The following SERTAD4 variants were observed in gnomAD, a reference collection of about 807,000 sequenced individuals.
SERTAD4 encodes the protein SERTA domain containing 4.
Under a neutral mutation model 32.9 loss-of-function variants are expected in SERTAD4, and 18 were observed. The observed-to-expected ratio is 0.55, with a 90% CI of 0.38 to 0.81. The LOEUF is 0.81. Among genes scored for constraint, SERTAD4 ranks in the 30% least tolerant of loss-of-function variants. The probability of loss-of-function intolerance (pLI) is 0.00; values close to 1 mark genes in which losing one functional copy is unlikely to be tolerated. For synonymous variants in SERTAD4, 150 were observed against 156.4 expected (o/e 0.96, Z 0.30); for missense variants, 383 against 426.0 (o/e 0.90, Z 0.89).
Position 210,244,326 on chromosome 1 carries a change from TGTG to T in SERTAD4, c.*1993_*1995del, listed in dbSNP as rs1324881883. On this transcript the variant is annotated 3_prime_UTR_variant, in exon 4 of 4. Coordinates refer to ENST00000367012, the MANE Select transcript of SERTAD4 (RefSeq NM_019605.5). ...TAAGAAGCACAATGTTAATAGATGA[TGTG>T]GTGATCAATAAGGTTATGTCTGAAA... The T allele has an allele frequency of 1.3e-5, 2 of 152,216 alleles. No individual in the cohort carries two copies. The highest frequency in any genetic ancestry group is 2.1e-4 in the South Asian group (1 of 4,834). The allele number at this position is 152,216 out of a possible 1,614,324, so 9.4% of individuals were successfully genotyped here.
chr1:210,238,543 G>A (rs1036675051), intron 2 of SERTAD4, among the ~76,000 whole-genome samples: 10 of 152,160 alleles, frequency 6.6e-5, no homozygotes, highest in Non-Finnish European at 2.9e-5. Flanking sequence ...TGCACTTTGG[G>A]CCAGCAGCTA....
chr1:210,238,013 G>A lies in SERTAD4; in HGVS notation c.53G>A (p.Gly18Glu), dbSNP rs1159813789. Reference protein sequence around the residue: ...NRFCEPIVSEGAAEIAGYQTL... With the variant: ...NRFCEPIVSEEAAEIAGYQTL... Reference sequence around the variant, plus strand: ...TTCTGCGAGCCCATTGTCTCGGAAGGAGCTGCTGAAATTGCTGGGTACCAA... The same window carrying A: ...TTCTGCGAGCCCATTGTCTCGGAAGAAGCTGCTGAAATTGCTGGGTACCAA... Residue 18 changes from glycine (G) to glutamate (E), a missense_variant, in exon 2 of 4, where the codon GGA becomes GAA. Physicochemically the swap from Gly to Glu is moderately conservative, Grantham distance 98. Coordinates refer to ENST00000367012, the MANE Select transcript of SERTAD4 (RefSeq NM_019605.5). 1 of 1,614,000 alleles carries A rather than the reference G, an allele frequency of 6.2e-7. No individual in the cohort carries two copies. The highest frequency in any genetic ancestry group is 2.2e-5 in the East Asian group (1 of 44,864).
rs1357767138 is a variant in SERTAD4 at position 210,242,510 on chromosome 1, T to C, written c.*173T>C. ...GCGTAAAACATCTGTATAGCAGGCATCAGCGAGCTTCTTATAAATGTGGTG... is the reference window on the plus strand; with the variant it reads ...GCGTAAAACATCTGTATAGCAGGCACCAGCGAGCTTCTTATAAATGTGGTG... On this transcript the variant is annotated 3_prime_UTR_variant, in exon 4 of 4. Coordinates refer to ENST00000367012, the MANE Select transcript of SERTAD4 (RefSeq NM_019605.5). The surrounding 1 kb of genome is among the most constrained non-coding windows in gnomAD (Gnocchi z 4.0). The C allele has an allele frequency of 4.4e-6, 6 of 1,349,066 alleles. No homozygotes were observed. The highest frequency in any genetic ancestry group is 4.7e-6 in the Non-Finnish European group (5 of 1,058,234). 83.6% of individuals were successfully genotyped at this position (1,349,066 alleles called of 1,614,324 possible).
At position 210,242,275 on chromosome 1, in the gene SERTAD4, C is replaced by T. The variant is rs150924683; in HGVS notation, c.1009C>T (p.Arg337Trp). The T allele has an allele frequency of 3.5e-5, 57 of 1,607,944 alleles. No individual in the cohort carries two copies. The highest frequency in any genetic ancestry group is 6.7e-5 in the East Asian group (3 of 44,850). The change falls in exon 4 of 4, where the codon CGG becomes TGG. Residue 337 changes from arginine to tryptophan, a missense_variant. Physicochemically the swap from Arg to Trp is moderately radical, Grantham distance 101. Transcript: ENST00000367012. This position sits in a 1 kb window ranked among gnomAD's most constrained non-coding sequence, Gnocchi z 4.0. ...AAATGAATCTTGGAAAAAGTCCTTACGGAAAAAGGAGGCTTCACCACCAAG... is the reference window on the plus strand; with the variant it reads ...AAATGAATCTTGGAAAAAGTCCTTATGGAAAAAGGAGGCTTCACCACCAAG... ...NVNESWKKSL[R>W]KKEASPPSNK...
In SERTAD4 at chr1:210,238,067, G is replaced by C; in HGVS notation, c.107G>C (p.Gly36Ala). 1.9e-6 allele frequency: 3 copies of C among 1,613,714 alleles called. No individual in the cohort carries two copies. Among genetic ancestry groups the C allele is most frequent in the Non-Finnish European group, 2.5e-6 (3 of 1,179,858 alleles). The change falls in exon 2 of 4, where the codon GGC becomes GCC. Residue 36 changes from glycine to alanine, a missense_variant. By Grantham distance (60) the Gly-to-Ala change is moderately conservative (BLOSUM62 0). Around this residue, in one of 3 missense-constraint regions of SERTAD4, gnomAD observed 96 missense variants for 76.6 expected, o/e 1.25. Coordinates refer to ENST00000367012, the MANE Select transcript of SERTAD4 (RefSeq NM_019605.5). ...CTATGGGAGGCTGACAGCTACGGAG[G>C]CCCAAGCCCCCCAGGGCCAGCACAA... ...QTLWEADSYG[G>A]PSPPGPAQAP...
At position 210,243,529 on chromosome 1, in the gene SERTAD4, A is replaced by T. The variant is rs142903520; in HGVS notation, c.*1192A>T. ...AATGATGTGGTGATCAATAAGGTTT[A>T]TCTTAAAGAATGTAAAGACTTTAGG... On this transcript the variant is annotated 3_prime_UTR_variant, in exon 4 of 4. Transcript: ENST00000367012. The T allele has an allele frequency of 6.6e-6, 1 of 152,318 alleles. No homozygotes were observed. Among genetic ancestry groups the T allele is most frequent in the East Asian group, 1.9e-4 (1 of 5,190 alleles). 9.4% of individuals were successfully genotyped at this position (152,318 alleles called of 1,614,324 possible).
rs1390230456 is a variant in SERTAD4 at position 210,244,099 on chromosome 1, C to A, written c.*1762C>A. 1.3e-5 allele frequency: 2 copies of A among 152,038 alleles called. No homozygotes were observed. The highest frequency in any genetic ancestry group is 1.3e-4 in the Admixed American group (2 of 15,268). The allele number at this position is 152,038 out of a possible 1,614,324, so 9.4% of individuals were successfully genotyped here. On this transcript the variant is annotated 3_prime_UTR_variant, in exon 4 of 4. Transcript: ENST00000367012. ...TATATTTATTAAGATGATAAAAATT[C>A]ATTAAGTTTTTTAAATTTTAATGGC... is the stretch of plus-strand genomic sequence containing the variant.
chr1:210,240,315 T>C (rs1236865522), intron 3 of SERTAD4, among the ~76,000 whole-genome samples: 1 of 152,210 alleles, frequency 6.6e-6, no homozygotes, highest in Non-Finnish European at 1.5e-5. Context: ...TCAAGGCAGG[T>C]ATAAGCACAG....
At position 210,233,020 on chromosome 1, in the gene SERTAD4, C is replaced by A. The variant is rs943444935; in HGVS notation, c.-18+9C>A. The A allele has an allele frequency of 1.3e-5, 2 of 151,010 alleles. No individual in the cohort carries two copies. Among genetic ancestry groups the A allele is most frequent in the Admixed American group, 1.3e-4 (2 of 15,156 alleles). The allele number at this position is 151,010 out of a possible 1,614,324, so 9.4% of individuals were successfully genotyped here. On this transcript the variant is annotated intron_variant, in intron 1 of 3. Coordinates refer to ENST00000367012, the MANE Select transcript of SERTAD4 (RefSeq NM_019605.5). ...TCCCCGCTGACCCCGCGGTAAGAGC[C>A]GGGCTGGGCGCGGGCCGCGGGGGCG...
At chr1:210,235,046 C>T (rs2083927469) in intron 1 of SERTAD4, among the ~76,000 whole-genome samples, 2 of 149,550 alleles carry the variant, frequency 1.3e-5, no homozygotes, top group South Asian at 4.3e-4. Flanking sequence ...AGGGTTAGGG[C>T]TTTTTTTTTT....
rs116384662 is a variant in SERTAD4 at position 210,242,487 on chromosome 1, G to T, written c.*150G>T. 4.2e-6 allele frequency: 6 copies of T among 1,422,864 alleles called. No homozygotes were observed. Among genetic ancestry groups the T allele is most frequent in the Non-Finnish European group, 5.5e-6 (6 of 1,095,444 alleles). The allele number at this position is 1,422,864 out of a possible 1,614,324, so 88.1% of individuals were successfully genotyped here. On this transcript the variant is annotated 3_prime_UTR_variant, in exon 4 of 4. Coordinates refer to ENST00000367012, the MANE Select transcript of SERTAD4 (RefSeq NM_019605.5). This position sits in a 1 kb window ranked among gnomAD's most constrained non-coding sequence, Gnocchi z 4.0. ...TTTTAATGCCTGGAGAGCAGATTGC[G>T]TAAAACATCTGTATAGCAGGCATCA... is the stretch of plus-strand genomic sequence containing the variant.
rs2084038761 is a variant in SERTAD4, at chr1:210,245,380, C to A, written c.*3043C>A. 6.6e-6 allele frequency: 1 copy of A among 152,182 alleles called. No homozygotes were observed. Among genetic ancestry groups the A allele is most frequent in the African/African-American group, 2.4e-5 (1 of 41,432 alleles). 9.4% of individuals were successfully genotyped at this position (152,182 alleles called of 1,614,324 possible). A position where few individuals can be genotyped will look rare whatever the true frequency, so the allele number is the denominator to read the frequency against. ...CATTAACCTTTGTCTCTGGTCCTTCCTTTCTAAAAACAGCAGATTATAGAA... is the reference window on the plus strand; with the variant it reads ...CATTAACCTTTGTCTCTGGTCCTTCATTTCTAAAAACAGCAGATTATAGAA... On this transcript the variant is annotated 3_prime_UTR_variant, in exon 4 of 4. Transcript: ENST00000367012.
Position 210,242,355 on chromosome 1 carries a change from C to T in SERTAD4, c.*18C>T, listed in dbSNP as rs1198501353. ...AAATATGAGCCATCTTCTCACCGAACTTTGAAGCATGCACAGCATGATCAG... is the reference window on the plus strand; with the variant it reads ...AAATATGAGCCATCTTCTCACCGAATTTTGAAGCATGCACAGCATGATCAG... On this transcript the variant is annotated 3_prime_UTR_variant, in exon 4 of 4. Transcript: ENST00000367012. The surrounding 1 kb of genome is among the most constrained non-coding windows in gnomAD (Gnocchi z 4.0). 2 of 1,542,314 alleles carry T rather than the reference C, an allele frequency of 1.3e-6. No homozygotes were observed. Among genetic ancestry groups the T allele is most frequent in the Non-Finnish European group, 1.7e-6 (2 of 1,150,250 alleles).
intron 1 of SERTAD4, chr1:210,237,142 C>G (rs1452632659): frequency 2.0e-5 from 3 of 152,554 alleles, no homozygotes; most frequent in African/African-American, 7.2e-5. Context: ...TTGGCTGCCT[C>G]TGGCCCCAGA....
chr1:210,240,011 G>A (rs1418708089), intron 3 of SERTAD4, among the ~76,000 whole-genome samples: 1 of 152,098 alleles, frequency 6.6e-6, no homozygotes, highest in Non-Finnish European at 1.5e-5. Flanking sequence ...TGTCCACATG[G>A]GGGTGGTTAC....
rs765418208 is a variant in SERTAD4, at chr1:210,242,057, A to G, written c.791A>G (p.Glu264Gly). 3 of 1,614,206 alleles carry G rather than the reference A, an allele frequency of 1.9e-6. No individual in the cohort carries two copies. The highest frequency in any genetic ancestry group is 1.1e-5 in the South Asian group (1 of 91,082). Residue 264 changes from glutamate to glycine, a missense_variant, in exon 4 of 4, where the codon GAA becomes GGA. Glu to Gly is a moderately conservative substitution (Grantham distance 98). This residue lies in a region of SERTAD4 where 180 missense variants were observed against 190.6 expected (regional missense o/e 0.94). Coordinates refer to ENST00000367012, the MANE Select transcript of SERTAD4 (RefSeq NM_019605.5). The surrounding 1 kb of genome is among the most constrained non-coding windows in gnomAD (Gnocchi z 4.0). The part of the protein sequence containing the change: ...YKSDGQIPAN[E>G]IFVTNVRSLG... ...AGTGATGGCCAGATACCTGCCAATG[A>G]AATCTTTGTCACTAATGTCAGATCA...
At chr1:210,241,464 A>G in intron 3 of SERTAD4, 94 bp from the exon 4 acceptor site, 2 of 1,261,386 alleles carry the variant, frequency 1.6e-6, no homozygotes, top group Non-Finnish European at 2.2e-6. Flanking sequence ...AGAAAGAAGT[A>G]TGCTATGATG....
intron 3 of SERTAD4, among the ~76,000 whole-genome samples, chr1:210,240,846 T>G (rs1237603572): frequency 1.3e-5 from 2 of 152,206 alleles, no homozygotes; most frequent in Non-Finnish European, 2.9e-5. Flanking sequence ...TAATTGCAAG[T>G]ATGAAACCCA....
At position 210,244,842 on chromosome 1, in the gene SERTAD4, G is replaced by A. The variant is rs2084032375; in HGVS notation, c.*2505G>A. 6.6e-6 allele frequency: 1 copy of A among 152,088 alleles called. No homozygotes were observed. The highest frequency in any genetic ancestry group is 1.5e-5 in the Non-Finnish European group (1 of 68,012). 9.4% of individuals were successfully genotyped at this position (152,088 alleles called of 1,614,324 possible). A position where few individuals can be genotyped will look rare whatever the true frequency, so the allele number is the denominator to read the frequency against. On this transcript the variant is annotated 3_prime_UTR_variant, in exon 4 of 4. Transcript: ENST00000367012. The stretch of plus-strand genomic sequence containing the variant: ...ATAAGTGATGCCTTTGAATCCAGCA[G>A]CATAAAAATCTGTTCTTTTTAGTCA...
Sources: gnomAD v4.1 joint callset for allele counts (sites outside exome capture counted in the v4.1 genomes callset) on GRCh38, gnomAD v4.1.1 for gene constraint, gnomAD v4.1.1 regional missense constraint, Gnocchi (gnomAD v3.1) non-coding constraint, MANE v1.5 for transcripts, NCBI Gene and HGNC (gene_info 2026-07-23, HGNC 2026-07-21) for gene names.